The following KIAA1217 variants were observed in gnomAD, a reference collection of about 807,000 sequenced individuals.
KIAA1217 encodes sickle tail protein homolog.
Under a neutral mutation model 163.9 loss-of-function variants are expected in KIAA1217, and 88 were observed. That is an observed-to-expected ratio of 0.54 (90% CI 0.45 to 0.64). The LOEUF (loss-of-function observed/expected upper bound fraction) is 0.64, where lower values mean the gene tolerates loss of function less well. Among genes scored for constraint, KIAA1217 ranks in the 30% least tolerant of loss-of-function variants. The probability of loss-of-function intolerance (pLI) is 0.00; values close to 1 mark genes in which losing one functional copy is unlikely to be tolerated. For synonymous variants in KIAA1217, 903 were observed against 923.1 expected, an observed-to-expected ratio of 0.98 and a Z score of 0.39; for missense variants, 2,372 against 2,475.0, an observed-to-expected ratio of 0.96 and a Z score of 0.88.
intron 2 of KIAA1217, among the ~76,000 whole-genome samples, chr10:24,300,850 T>C (rs1417550153): frequency 6.6e-6 from 1 of 152,172 alleles, no homozygotes; most frequent in Non-Finnish European, 1.5e-5. Flanking sequence ...TCTCACTCTG[T>C]TGCCCAGGCT....
In KIAA1217 at chr10:24,278,523, C is replaced by T. The variant is rs141253481; in HGVS notation, c.354+58614C>T. Among the ~76,000 whole-genome samples the T allele has an allele frequency of 2.3e-3, 350 of 152,298 alleles. 2 individuals are homozygous for T. Among genetic ancestry groups the T allele is most frequent in the African/African-American group, 7.7e-3 (322 of 41,554 alleles). Reference sequence around the variant, plus strand: ...GAAAGCATGTGGCAAGTGGCAGACACAATGTGGGCACTAGGCAAGTGGCAA... The same window carrying T: ...GAAAGCATGTGGCAAGTGGCAGACATAATGTGGGCACTAGGCAAGTGGCAA... On this transcript the variant is annotated intron_variant, in intron 2 of 20. Transcript: ENST00000376454.
At chr10:24,105,189 C>T (rs1241983583) in intron 2 of KIAA1217, among the ~76,000 whole-genome samples, 1 of 152,022 alleles carries the variant, frequency 6.6e-6, no homozygotes, top group Admixed American at 6.6e-5. Context: ...ATTCTAGCGA[C>T]TCACAGAGGC....
chr10:23,851,957 G>T (rs1839361401), intron 1 of KIAA1217, among the ~76,000 whole-genome samples: 1 of 152,010 alleles, frequency 6.6e-6, no homozygotes, highest in African/African-American at 2.4e-5. Flanking sequence ...CTCCCATTTT[G>T]TGGGTTGCCT....
chr10:23,986,670 C>T (rs1258201689), intron 1 of KIAA1217, among the ~76,000 whole-genome samples: 1 of 152,078 alleles, frequency 6.6e-6, no homozygotes, highest in Non-Finnish European at 1.5e-5. Flanking sequence ...TATGTCATGT[C>T]GCAAATGTGG....
chr10:23,943,749 G>A (rs1047447248), intron 1 of KIAA1217, among the ~76,000 whole-genome samples: 1 of 152,222 alleles, frequency 6.6e-6, no homozygotes, highest in Non-Finnish European at 1.5e-5. Context: ...AATCAGGACA[G>A]TATGGCAGTG....
chr10:23,902,603 A>G (rs1452690863), intron 1 of KIAA1217, among the ~76,000 whole-genome samples: 4 of 152,158 alleles, frequency 2.6e-5, no homozygotes, highest in Admixed American at 2.6e-4. Flanking sequence ...TAGTCACAGC[A>G]TCAGATGGCA....
chr10:24,370,231 C>T (rs2051411591), intron 2 of KIAA1217, among the ~76,000 whole-genome samples: 1 of 141,164 alleles, frequency 7.1e-6, no homozygotes, highest in Admixed American at 7.6e-5. Flanking sequence ...CGCCACTGCA[C>T]TCCAGCCTGG....
intron 2 of KIAA1217, among the ~76,000 whole-genome samples, chr10:24,274,645 A>G (rs76047027): frequency 0.015 from 2,287 of 152,198 alleles, 49 homozygotes; most frequent in African/African-American, 0.052. Flanking sequence ...ATTAGTTAAT[A>G]CTGAATTTCC....
chr10:23,993,414 T>C (rs1846310081), intron 1 of KIAA1217, among the ~76,000 whole-genome samples: 1 of 152,126 alleles, frequency 6.6e-6, no homozygotes, highest in South Asian at 2.1e-4. Flanking sequence ...TCTCCTCTCT[T>C]GTTCTAGGCT....
chr10:23,830,815 T>C (rs1000185914), intron 1 of KIAA1217, among the ~76,000 whole-genome samples: 2 of 139,130 alleles, frequency 1.4e-5, no homozygotes, highest in African/African-American at 5.9e-5. Flanking sequence ...GATAGAGATA[T>C]ATGTGTACAC....
intron 2 of KIAA1217, chr10:24,158,033 C>T: frequency 2.6e-6 from 2 of 762,880 alleles, no homozygotes; most frequent in Non-Finnish European, 4.8e-6. Flanking sequence ...ATCACCTTTA[C>T]TTGCAGGTGG....
At chr10:24,448,507 C>G (rs528959264) in intron 5 of KIAA1217, among the ~76,000 whole-genome samples, 2 of 152,324 alleles carry the variant, frequency 1.3e-5, no homozygotes, top group Non-Finnish European at 2.9e-5. Context: ...CTGCCCCAGC[C>G]TCCTGATTAG....
intron 1 of KIAA1217, among the ~76,000 whole-genome samples, chr10:23,940,311 T>A (rs956199173): frequency 6.6e-6 from 1 of 151,448 alleles, no homozygotes. Context: ...AGTACAAAAA[T>A]TAGCCAGGTG....
At chr10:24,190,485 A>G (rs1016441213) in intron 2 of KIAA1217, among the ~76,000 whole-genome samples, 1 of 152,162 alleles carries the variant, frequency 6.6e-6, no homozygotes, top group Non-Finnish European at 1.5e-5. Context: ...AGCTCACCGT[A>G]TGGTAGAATG....
At chr10:24,421,800 T>G (rs2058751463) in intron 3 of KIAA1217, among the ~76,000 whole-genome samples, 1 of 152,336 alleles carries the variant, frequency 6.6e-6, no homozygotes, top group South Asian at 2.1e-4. Flanking sequence ...GAAACCAGCC[T>G]TACATTCCTG....
intron 5 of KIAA1217, among the ~76,000 whole-genome samples, chr10:24,447,852 C>T (rs2061070107): frequency 1.3e-5 from 2 of 152,172 alleles, no homozygotes; most frequent in Admixed American, 6.5e-5. Context: ...TTACCCTGGG[C>T]TGAGCGCGGT....
At chr10:24,078,863 A>G (rs913672749) in intron 2 of KIAA1217, among the ~76,000 whole-genome samples, 1 of 152,150 alleles carries the variant, frequency 6.6e-6, no homozygotes, top group Non-Finnish European at 1.5e-5. Context: ...CAATGCCCCC[A>G]CATCCTTCAA....
rs1237821737 is a variant in KIAA1217 at position 24,178,794 on chromosome 10, A to G, written c.-170-40832A>G. ...CTTTAGCCTGAGTTTTTTTTGTTCT[A>G]TATTTTTTGCAACATACAGGAAGAC... On this transcript the variant is annotated intron_variant, in intron 2 of 18. Transcript: ENST00000376462. Among the ~76,000 whole-genome samples the G allele has an allele frequency of 2.0e-5, 3 of 152,130 alleles. No individual in the cohort carries two copies. In the East Asian group the frequency reaches 5.8e-4, roughly 29 times the overall value.
intron 1 of KIAA1217, among the ~76,000 whole-genome samples, chr10:23,948,581 T>C (rs1844167644): frequency 6.6e-6 from 1 of 152,142 alleles, no homozygotes; most frequent in Admixed American, 6.5e-5. Context: ...AGTTTCTGTA[T>C]CAAAAAGGCT....
Sources: allele counts gnomAD v4.1 joint callset (sites outside exome capture counted in the v4.1 genomes callset), GRCh38; gene constraint gnomAD v4.1.1; transcripts MANE v1.5; gene names NCBI Gene and HGNC (gene_info 2026-07-23, HGNC 2026-07-21).